The following ANK2 variants were observed in gnomAD, a reference collection of about 807,000 sequenced individuals.
ANK2 encodes the protein ankyrin 2.
In ANK2, 83 loss-of-function variants were observed where a neutral mutation model predicts 360.5. That is an observed-to-expected ratio of 0.23 (90% CI 0.19 to 0.28). ANK2 has a LOEUF of 0.28. ANK2 is among the 10% of genes least tolerant of loss of function. ANK2 has a pLI of 1.00. For missense variants in ANK2, 4,201 were observed against 4,795.7 expected, an observed-to-expected ratio of 0.88 and a Z score of 3.66; for synonymous variants, 1,740 against 1,759.5, an observed-to-expected ratio of 0.99 and a Z score of 0.28.
Position 113,044,196 on chromosome 4 carries a change from G to A in ANK2, c.22-130220G>A, listed in dbSNP as rs536577473. Among the ~76,000 whole-genome samples, 5 of 152,134 alleles carry A rather than the reference G, an allele frequency of 3.3e-5. No homozygotes were observed. The South Asian group carries it at 6.2e-4, about 19-fold the overall frequency. ...CACCATAATCTCAGTGATTAAACTC[G>A]CATGAGAAAAAGTTACTTGTGTCCT... On this transcript the variant is annotated intron_variant, in intron 2 of 30. Coordinates refer to the ANK2 transcript ENST00000503271.
chr4:113,199,438 A>G (rs970688563), intron 4 of ANK2, among the ~76,000 whole-genome samples: 2 of 152,128 alleles, frequency 1.3e-5, no homozygotes, highest in Non-Finnish European at 2.9e-5. Flanking sequence ...GTTACTCTAT[A>G]AAAGTATTCT....
chr4:113,233,104 CTGTTTTTTTTTTTTTTTT>C (rs1250187146), intron 5 of ANK2, among the ~76,000 whole-genome samples: 563 of 29,304 alleles, frequency 0.019, 135 homozygotes, highest in Middle Eastern at 0.05. Context: ...CTTGGCTTTT[CTGTTTTTTTTTTTTTTTT>C]TTTTTTTTTT....
At chr4:112,732,184 G>A in the ANK2 span, among the ~76,000 whole-genome samples, 2 of 151,600 alleles carry the variant, frequency 1.3e-5, no homozygotes, top group Non-Finnish European at 2.9e-5. Flanking sequence ...CTCTCACAAT[G>A]ACTATAAAAT....
intron 2 of ANK2, among the ~76,000 whole-genome samples, chr4:113,035,167 CTT>C (rs768407670): frequency 7.1e-4 from 101 of 142,496 alleles, no homozygotes; most frequent in African/African-American, 2.3e-3. Flanking sequence ...CAAAAGGTAC[CTT>C]TTTTTTTTTT....
At chr4:113,215,746 A>G (rs560748534) in intron 4 of ANK2, among the ~76,000 whole-genome samples, 1 of 152,276 alleles carries the variant, frequency 6.6e-6, no homozygotes, top group East Asian at 1.9e-4. Flanking sequence ...GCAACAATAC[A>G]GTCTTTGCTT....
At chr4:113,180,323 A>T (rs543283325) in intron 2 of ANK2, among the ~76,000 whole-genome samples, 1 of 152,178 alleles carries the variant, frequency 6.6e-6, no homozygotes, top group Non-Finnish European at 1.5e-5. Flanking sequence ...GCATAACAAC[A>T]CTGAAGTTTT....
chr4:112,970,706 G>A (rs2039220812), intron 2 of ANK2, among the ~76,000 whole-genome samples: 3 of 152,166 alleles, frequency 2.0e-5, no homozygotes, highest in African/African-American at 7.2e-5. Context: ...GGTGGGGAGA[G>A]TGGGTAGATT....
the ANK2 span, among the ~76,000 whole-genome samples, chr4:112,808,402 CAAA>C: frequency 2.0e-5 from 3 of 152,174 alleles, no homozygotes; most frequent in Non-Finnish European, 4.4e-5. Context: ...AAGGAGTAAT[CAAA>C]TATTATGTCA....
intron 4 of ANK2, chr4:113,213,951 A>AT (rs71582163): frequency 0.012 from 6,408 of 522,706 alleles, 656 homozygotes; most frequent in African/African-American, 0.11. Context: ...ATGCTGTTTT[A>AT]TTTATTTTTT....
rs1356203471 is a variant in ANK2, at chr4:112,846,279, T to C, written c.-40+28015T>C. On this transcript the variant is annotated intron_variant, in intron 1 of 30. Coordinates refer to the ANK2 transcript ENST00000503271. ...CGTCCCACCACACCTAGCTAAGTAC[T>C]TTTTGTACTTTTTGTAGAGACAGGG... is the stretch of plus-strand genomic sequence containing the variant. Among the ~76,000 whole-genome samples, 3 of 152,012 alleles carry C rather than the reference T, an allele frequency of 2.0e-5. No individual in the cohort carries two copies. In the East Asian group the frequency reaches 5.8e-4, roughly 29 times the overall value.
rs577604732 is a variant in ANK2 at position 112,963,383 on chromosome 4, T to G, written c.21+58869T>G. 7.4e-4 allele frequency among the ~76,000 whole-genome samples: 113 copies of G among 152,176 alleles called. 1 individual carries two copies. The highest frequency in any genetic ancestry group is 1.5e-3 in the Non-Finnish European group (100 of 67,992). On this transcript the variant is annotated intron_variant, in intron 2 of 30. Transcript: ENST00000503271. ...GCATCTATTATTGCCTACCAACCTC[T>G]AATAGTCAAAACAGCATAGCATCAA...
chr4:113,299,906 A>G (rs1048964461), intron 22 of ANK2, among the ~76,000 whole-genome samples: 5 of 152,008 alleles, frequency 3.3e-5, no homozygotes, highest in African/African-American at 7.2e-5. Context: ...CCCGATCCCT[A>G]TGGATTTTGA....
the ANK2 span, among the ~76,000 whole-genome samples, chr4:112,759,325 TG>T: frequency 6.6e-6 from 1 of 152,066 alleles, no homozygotes. Context: ...TTTTATTTTT[TG>T]TAGAGAGAAG....
At chr4:112,930,448 C>CGAGAG (rs1561146677) in intron 2 of ANK2, among the ~76,000 whole-genome samples, 3 of 122,336 alleles carry the variant, frequency 2.5e-5, no homozygotes, top group African/African-American at 6.1e-5. Flanking sequence ...GACCCTGTCT[C>CGAGAG]AAAAAAAAAA....
At chr4:113,367,464 T>C in intron 41 of ANK2, 102 bp from the exon 42 acceptor site, 1 of 1,118,962 alleles carries the variant, frequency 8.9e-7, no homozygotes, top group African/African-American at 1.6e-5. Context: ...ATGTAGCACA[T>C]TTATCTTCTT....
At chr4:112,984,824 T>A (rs1159339462) in intron 2 of ANK2, among the ~76,000 whole-genome samples, 3 of 152,186 alleles carry the variant, frequency 2.0e-5, no homozygotes, top group Non-Finnish European at 4.4e-5. Context: ...AACATTTAGA[T>A]CATCTTTGGA....
At chr4:112,846,905 G>A (rs1357913962) in intron 1 of ANK2, among the ~76,000 whole-genome samples, 3 of 152,106 alleles carry the variant, frequency 2.0e-5, no homozygotes, top group Non-Finnish European at 4.4e-5. Flanking sequence ...TAGTTTAGCA[G>A]CACCATGTCT....
chr4:113,024,387 C>T (rs1411427637), intron 2 of ANK2, among the ~76,000 whole-genome samples: 3 of 152,090 alleles, frequency 2.0e-5, no homozygotes, highest in Non-Finnish European at 4.4e-5. Context: ...ATTTTTCTCT[C>T]TCTAGTTACT....
Position 113,373,176 on chromosome 4 carries a change from A to G in ANK2, c.11694+3A>G, listed in dbSNP as rs1554597170. On this transcript the variant is annotated splice_donor_region_variant and intron_variant, in intron 44 of 45. Coordinates refer to ENST00000357077, the MANE Select transcript of ANK2 (RefSeq NM_001148.6). ...ATGGACACACCGTGGTAAAGAAGGT[A>G]TTGTCTAGTATATCCTAACAGGGTT... 1 of 1,613,690 alleles carries G rather than the reference A, an allele frequency of 6.2e-7. No homozygotes were observed. The highest frequency in any genetic ancestry group is 2.2e-5 in the East Asian group (1 of 44,864).
Sources: gnomAD v4.1 joint callset for allele counts (sites outside exome capture counted in the v4.1 genomes callset) on GRCh38, gnomAD v4.1.1 for gene constraint, MANE v1.5 for transcripts, NCBI Gene and HGNC (gene_info 2026-07-23, HGNC 2026-07-21) for gene names.